Variants in BTRC observed in about 807,000 individuals in gnomAD.
The protein encoded by BTRC is F-box/WD repeat-containing protein 1A.
A neutral mutation model predicts 85.5 loss-of-function variants in BTRC; 42 were observed. That is an observed-to-expected ratio of 0.49 (90% CI 0.38 to 0.64). BTRC has a LOEUF of 0.64. Ranked by LOEUF, BTRC falls within the 30% of genes least tolerant of loss-of-function variation. BTRC has a pLI of 0.00. For synonymous variants in BTRC, 255 were observed against 263.3 expected (o/e 0.97, Z 0.30); for missense variants, 594 against 743.5 (o/e 0.80, Z 2.34).
rs529472986 is a variant in BTRC at position 101,549,607 on chromosome 10, G to A, written c.1657-1092G>A. Among the ~76,000 whole-genome samples the A allele has an allele frequency of 2.3e-4, 35 of 150,592 alleles. 2 individuals carry two copies. In the South Asian group the frequency reaches 7.0e-3, roughly 30 times the overall value. Reference sequence around the variant, plus strand: ...CAGGCGCCTGTAGTCCCAGCTACTCGGGAGGCTGAGGCAGGAGAACGGCGT... The same window carrying A: ...CAGGCGCCTGTAGTCCCAGCTACTCAGGAGGCTGAGGCAGGAGAACGGCGT... On this transcript the variant is annotated intron_variant, in intron 13 of 14. Transcript: ENST00000370187.
chr10:101,504,031 C>G (rs1946455653), intron 4 of BTRC, among the ~76,000 whole-genome samples: 1 of 152,126 alleles, frequency 6.6e-6, no homozygotes, highest in African/African-American at 2.4e-5. Flanking sequence ...AATGTTAGAA[C>G]TGAATTTTCT....
chr10:101,458,658 T>C (rs1440481838), intron 2 of BTRC, among the ~76,000 whole-genome samples: 1 of 152,200 alleles, frequency 6.6e-6, no homozygotes, highest in Admixed American at 6.5e-5. Flanking sequence ...TTTCATGGCC[T>C]TGACATTTCT....
chr10:101,509,713 C>T (rs2134324464), intron 4 of BTRC, among the ~76,000 whole-genome samples: 1 of 136,132 alleles, frequency 7.3e-6, no homozygotes, highest in East Asian at 2.2e-4. Flanking sequence ...CCACCACACA[C>T]AGCTAATTTT....
intron 1 of BTRC, among the ~76,000 whole-genome samples, chr10:101,378,180 T>C (rs1175562685): frequency 1.3e-5 from 2 of 152,188 alleles, no homozygotes; most frequent in African/African-American, 4.8e-5. Flanking sequence ...CCCATCTATC[T>C]CTTCTCCTTT....
chr10:101,448,563 T>C (rs1327283894), intron 2 of BTRC, among the ~76,000 whole-genome samples: 3 of 152,132 alleles, frequency 2.0e-5, no homozygotes, highest in African/African-American at 4.8e-5. Context: ...AAGCCAATAC[T>C]ACCTTAGGGT....
rs745681559 is a variant in BTRC, at chr10:101,555,061, A to G, written c.*1938A>G. 3 of 152,268 alleles carry G rather than the reference A, an allele frequency of 2.0e-5. No individual in the cohort carries two copies. Among genetic ancestry groups the G allele is most frequent in the Non-Finnish European group, 4.4e-5 (3 of 68,026 alleles). 9.4% of individuals were successfully genotyped at this position (152,268 alleles called of 1,614,324 possible). ...ATGTAATTCCCTTCCCAGCTACCCA[A>G]ATGCTACAGAGAAATGTTTTCTACT... On this transcript the variant is annotated 3_prime_UTR_variant, in exon 15 of 15. Coordinates refer to ENST00000370187, the MANE Select transcript of BTRC (RefSeq NM_033637.4).
At chr10:101,362,733 C>G (rs780096059) in intron 1 of BTRC, among the ~76,000 whole-genome samples, 2 of 152,078 alleles carry the variant, frequency 1.3e-5, no homozygotes, top group African/African-American at 4.8e-5. Flanking sequence ...CAGTCAGCCA[C>G]GAATAGCTAA....
intron 1 of BTRC, among the ~76,000 whole-genome samples, chr10:101,378,481 C>T (rs957414381): frequency 6.7e-6 from 1 of 149,464 alleles, no homozygotes; most frequent in Admixed American, 6.7e-5. Flanking sequence ...ACTTTATTTG[C>T]TACCGAGTTC....
In BTRC at chr10:101,553,181, G is replaced by C. The variant is rs1337829312; in HGVS notation, c.*58G>C. 6 of 152,610 alleles carry C rather than the reference G, an allele frequency of 3.9e-5. No homozygotes were observed. 9.5% of individuals were successfully genotyped at this position (152,610 alleles called of 1,614,324 possible). A position where few individuals can be genotyped will look rare whatever the true frequency, so the allele number is the denominator to read the frequency against. ...ACCCATTAAAGTTGCGGTATTTAAC[G>C]TATCTGCCAATACCAGGATGAGCAA... On this transcript the variant is annotated 3_prime_UTR_variant, in exon 15 of 15. Coordinates refer to ENST00000370187, the MANE Select transcript of BTRC (RefSeq NM_033637.4).
intron 1 of BTRC, among the ~76,000 whole-genome samples, chr10:101,410,963 A>G (rs1450467935): frequency 6.7e-6 from 1 of 149,358 alleles, no homozygotes; most frequent in East Asian, 1.9e-4. Flanking sequence ...AAATGAAACA[A>G]TTTTAAAAAT....
rs1425017359 is a variant in BTRC at position 101,385,614 on chromosome 10, TC to T, written c.48+31387del. On this transcript the variant is annotated intron_variant, in intron 1 of 14. Coordinates refer to ENST00000370187, the MANE Select transcript of BTRC (RefSeq NM_033637.4). ...ATTTTCTTTGTTCTTTCTTTCTTCT[TC>T]TTCTTTTTTTTTTTTTTTGTGTGTT... Among the ~76,000 whole-genome samples the T allele has an allele frequency of 7.2e-4, 33 of 46,044 alleles. No individual in the cohort carries two copies. In the East Asian group the frequency reaches 0.016, roughly 22 times the overall value. 30.2% of individuals were successfully genotyped at this position (46,044 alleles called of 152,430 possible).
At chr10:101,488,487 A>G (rs1266877335) in intron 4 of BTRC, among the ~76,000 whole-genome samples, 2 of 152,192 alleles carry the variant, frequency 1.3e-5, no homozygotes, top group Non-Finnish European at 2.9e-5. Context: ...GCTCAGATAT[A>G]CTAAAATTGT....
intron 1 of BTRC, among the ~76,000 whole-genome samples, chr10:101,403,777 T>C (rs894804754): frequency 4.0e-5 from 6 of 151,760 alleles, no homozygotes; most frequent in African/African-American, 1.2e-4. Flanking sequence ...AAATTTTCTG[T>C]AGAGACAGGG....
At chr10:101,491,551 G>C (rs150047738) in intron 4 of BTRC, among the ~76,000 whole-genome samples, 1 of 152,188 alleles carries the variant, frequency 6.6e-6, no homozygotes, top group East Asian at 1.9e-4. Flanking sequence ...AAAAAAATTA[G>C]CTGGGTGTGG....
At chr10:101,475,093 T>C (rs896828878) in intron 3 of BTRC, among the ~76,000 whole-genome samples, 1 of 152,188 alleles carries the variant, frequency 6.6e-6, no homozygotes, top group African/African-American at 2.4e-5. Flanking sequence ...GCAAAAGAAA[T>C]AACAAATCTA....
intron 3 of BTRC, among the ~76,000 whole-genome samples, chr10:101,464,400 C>T (rs1246421007): frequency 6.6e-6 from 1 of 152,126 alleles, no homozygotes; most frequent in African/African-American, 2.4e-5. Flanking sequence ...TAAATGCATA[C>T]ATTATTGAAT....
At chr10:101,475,922 C>CATATATATAGATAT (rs1554884573) in intron 3 of BTRC, among the ~76,000 whole-genome samples, 1 of 67,538 alleles carries the variant, frequency 1.5e-5, no homozygotes, top group African/African-American at 4.9e-5. Flanking sequence ...AGTATTTTGC[C>CATATATATAGATAT]ATATATATAT....
At chr10:101,494,982 G>A (rs1294436231) in intron 4 of BTRC, among the ~76,000 whole-genome samples, 13 of 152,160 alleles carry the variant, frequency 8.5e-5, no homozygotes, top group Non-Finnish European at 5.9e-5. Flanking sequence ...CAGGCTTTAC[G>A]TTGAAAAAGG....
chr10:101,407,522 C>T (rs568319015), intron 1 of BTRC, among the ~76,000 whole-genome samples: 258 of 151,556 alleles, frequency 1.7e-3, no homozygotes, highest in Non-Finnish European at 2.6e-3. Flanking sequence ...AAGTGATTCT[C>T]GTGGACTACA....
Sources: gnomAD v4.1 joint callset for allele counts (sites outside exome capture counted in the v4.1 genomes callset) on GRCh38, gnomAD v4.1.1 for gene constraint, MANE v1.5 for transcripts, NCBI Gene and HGNC (gene_info 2026-07-23, HGNC 2026-07-21) for gene names.